Variants in AVEN observed in about 807,000 individuals in gnomAD.
AVEN encodes apoptosis and caspase activation inhibitor.
In AVEN, 41 loss-of-function variants were observed where a neutral mutation model predicts 38.1. The observed-to-expected ratio is 1.08, with a 90% CI of 0.84 to 1.40. The LOEUF (loss-of-function observed/expected upper bound fraction) is 1.40. AVEN is among the 40% of genes most tolerant of loss of function. AVEN has a pLI of 0.00. For synonymous variants in AVEN, 206 were observed against 171.8 expected, an observed-to-expected ratio of 1.20 and a Z score of -1.56; for missense variants, 605 against 438.8, an observed-to-expected ratio of 1.38 and a Z score of -3.38.
At chr15:33,887,270 T>C (rs1229649980) in intron 2 of AVEN, among the ~76,000 whole-genome samples, 1 of 152,140 alleles carries the variant, frequency 6.6e-6, no homozygotes, top group Non-Finnish European at 1.5e-5. Flanking sequence ...TTAATAAGGG[T>C]CAGCTTCTAG....
chr15:33,871,359 G>C (rs1383909787), intron 3 of AVEN, among the ~76,000 whole-genome samples: 2 of 152,164 alleles, frequency 1.3e-5, no homozygotes, highest in African/African-American at 4.8e-5. Context: ...CTGAGGTTAG[G>C]AGTTTGAGAC....
chr15:33,930,972 A>C (rs1464920242), intron 2 of AVEN, among the ~76,000 whole-genome samples: 1 of 151,416 alleles, frequency 6.6e-6, no homozygotes, highest in Non-Finnish European at 1.5e-5. Context: ...AAAAAAAAAA[A>C]AACTTAAGGA....
At position 34,038,912 on chromosome 15, in the gene AVEN, C is replaced by A; in HGVS notation, c.135G>T (p.Gly45=). ...CACGGCCCCGGCGTCCGCCTCCGTC[C>A]CCGCCGCCGCCTCCGCCGCCGCCTC... ...VARGGGGGGG[G]DGGGRRGRGR... Residue 45 remains glycine, a synonymous_variant, in exon 1 of 6, where the codon GGG becomes GGT. Transcript: ENST00000306730. The A allele has an allele frequency of 2.7e-6, 3 of 1,111,810 alleles. No homozygotes were observed. Among genetic ancestry groups the A allele is most frequent in the Non-Finnish European group, 3.3e-6 (3 of 915,884 alleles). The allele number at this position is 1,111,810 out of a possible 1,614,324, so 68.9% of individuals were successfully genotyped here.
At chr15:33,876,328 T>C (rs1891228538) in intron 2 of AVEN, among the ~76,000 whole-genome samples, 1 of 152,138 alleles carries the variant, frequency 6.6e-6, no homozygotes, top group South Asian at 2.1e-4. Flanking sequence ...TCCCAGCACT[T>C]TGGGAGGCTG....
intron 4 of AVEN, 150 bp downstream of exon 4, chr15:33,870,785 C>T: frequency 2.0e-6 from 1 of 499,576 alleles, no homozygotes; most frequent in South Asian, 6.9e-5. Context: ...TTGGATTCTC[C>T]TTTAAACTTT....
intron 1 of AVEN, among the ~76,000 whole-genome samples, chr15:34,011,900 G>A (rs1897654705): frequency 6.6e-6 from 1 of 152,110 alleles, no homozygotes; most frequent in African/African-American, 2.4e-5. Flanking sequence ...GGATAATTTG[G>A]GAAATTAGAC....
chr15:33,985,004 C>T (rs1397077354), intron 2 of AVEN, among the ~76,000 whole-genome samples: 1 of 152,092 alleles, frequency 6.6e-6, no homozygotes, highest in Non-Finnish European at 1.5e-5. Flanking sequence ...TGACCTTGAC[C>T]AGCTGAACCT....
At chr15:33,979,389 A>T (rs2140519046) in intron 2 of AVEN, among the ~76,000 whole-genome samples, 1 of 152,188 alleles carries the variant, frequency 6.6e-6, no homozygotes, top group Non-Finnish European at 1.5e-5. Flanking sequence ...TGTGGCTGTA[A>T]TCCCAGCTAC....
At chr15:33,948,184 G>A (rs1035860964) in intron 2 of AVEN, among the ~76,000 whole-genome samples, 8 of 146,508 alleles carry the variant, frequency 5.5e-5, no homozygotes, top group Non-Finnish European at 1.0e-4. Flanking sequence ...TGCAACCTCC[G>A]CCTCCCAAGT....
At chr15:33,857,260 C>CTGT (rs1567341206), downstream of AVEN, among the ~76,000 whole-genome samples, 6 of 151,900 alleles carry the variant, frequency 3.9e-5, no homozygotes, top group African/African-American at 9.7e-5. Context: ...GCACCAGCAC[C>CTGT]TGGTCTCCTC....
At chr15:33,865,106 G>C (rs764900195), downstream of AVEN, 28 of 1,564,836 alleles carry the variant, frequency 1.8e-5, no homozygotes, top group Non-Finnish European at 2.4e-5. Flanking sequence ...TTAAAAATAA[G>C]CACCCGTTGT....
intron 2 of AVEN, among the ~76,000 whole-genome samples, chr15:33,986,562 A>T (rs987779442): frequency 6.6e-6 from 1 of 152,178 alleles, no homozygotes; most frequent in South Asian, 2.1e-4. Context: ...ATGATTTTTT[A>T]AAAACCAGCA....
intron 2 of AVEN, among the ~76,000 whole-genome samples, chr15:33,963,211 T>C (rs1236145046): frequency 6.6e-6 from 1 of 152,192 alleles, no homozygotes; most frequent in African/African-American, 2.4e-5. Context: ...ATCTGCCCTC[T>C]CTGTGCCAGG....
intron 2 of AVEN, among the ~76,000 whole-genome samples, chr15:33,933,514 CACACACACACAGAGAGAGAGAGAG>C (rs1478025755): frequency 2.5e-5 from 3 of 120,544 alleles, no homozygotes; most frequent in African/African-American, 9.6e-5. Flanking sequence ...CACACACACA[CACACACACACAGAGAGAGAGAGAG>C]AGAGAGAGAG....
At position 34,036,447 on chromosome 15, in the gene AVEN, G is replaced by A. The variant is rs117652551; in HGVS notation, c.267+2333C>T. Among the ~76,000 whole-genome samples, 940 of 151,570 alleles carry A rather than the reference G, an allele frequency of 6.2e-3. 6 individuals are homozygous for A. The highest frequency in any genetic ancestry group is 0.014 in the Middle Eastern group (4 of 294). ...GTCTATTATGATTTTTTTTTCCTTT[G>A]ATCATTTCGGTTACTCTCTCCTTGG... is the stretch of plus-strand genomic sequence containing the variant. On this transcript the variant is annotated intron_variant, in intron 1 of 5. Transcript: ENST00000306730.
At chr15:33,877,794 C>CA (rs199618589) in intron 2 of AVEN, among the ~76,000 whole-genome samples, 7,519 of 152,118 alleles carry the variant, frequency 0.049, 280 homozygotes, top group Non-Finnish European at 0.056. Context: ...ACTAAAAATA[C>CA]AAAAAATAGC....
At chr15:34,058,853 A>G (rs1169163547) in intron 5 of AVEN, among the ~76,000 whole-genome samples, 1 of 152,188 alleles carries the variant, frequency 6.6e-6, no homozygotes, top group Non-Finnish European at 1.5e-5. Flanking sequence ...ACAAAGTCAT[A>G]GAAATGTAGG....
chr15:33,854,449 C>T (rs567024433), downstream of AVEN: 195 of 1,567,466 alleles, frequency 1.2e-4, 2 homozygotes, highest in South Asian at 2.1e-3. Context: ...TTACTGACAA[C>T]GTAAGTACTG....
chr15:34,003,184 G>A lies in AVEN; in HGVS notation c.293C>T (p.Thr98Ile). The A allele has an allele frequency of 6.2e-7, 1 of 1,613,466 alleles. No homozygotes were observed. The highest frequency in any genetic ancestry group is 8.5e-7 in the Non-Finnish European group (1 of 1,179,854). ...CTGTTCATCATTCTCTTCTCCATAG[G>A]TCTCTGCATCGCTGTCATCTTCAAC... ...APVEDDSDAE[T>I]YGEENDEQGN... The change falls in exon 2 of 6, where the codon ACC becomes ATC. Residue 98 changes from threonine to isoleucine, a missense_variant. Thr to Ile is a moderately conservative substitution (Grantham distance 89). Transcript: ENST00000306730.
Sources: allele counts gnomAD v4.1 joint callset (sites outside exome capture counted in the v4.1 genomes callset), GRCh38; gene constraint gnomAD v4.1.1; transcripts MANE v1.5; gene names NCBI Gene and HGNC (gene_info 2026-07-23, HGNC 2026-07-21).